MCEMP1: variants seen among roughly 807,000 people sequenced by gnomAD.
The protein encoded by MCEMP1 is mast cell-expressed membrane protein 1.
In MCEMP1, 17 loss-of-function variants were observed where a neutral mutation model predicts 27.9. The observed-to-expected ratio is 0.61, with a 90% CI of 0.42 to 0.91. The LOEUF is 0.91. Ranked by LOEUF, MCEMP1 falls within the 40% of genes least tolerant of loss-of-function variation. The pLI is 0.00. For missense variants in MCEMP1, 200 were observed against 204.8 expected, an observed-to-expected ratio of 0.98 and a Z score of 0.14; for synonymous variants, 88 against 76.9, an observed-to-expected ratio of 1.14 and a Z score of -0.76.
At position 7,678,105 on chromosome 19, in the gene MCEMP1, C is replaced by T. The variant is rs779699332; in HGVS notation, c.147C>T (p.Val49=). The T allele has an allele frequency of 1.3e-6, 2 of 1,599,228 alleles. No individual in the cohort carries two copies. The highest frequency in any genetic ancestry group is 1.7e-6 in the Non-Finnish European group (2 of 1,173,492). ...KGGHSRPTSQ[V]PAQCRPPSDS... The stretch of plus-strand genomic sequence containing the variant: ...CACTTTGCTGCCTCTTTGCTCCAGT[C>T]CCAGCCCAGTGCAGGCCGCCCTCAG... Residue 49 remains valine, a splice_region_variant and synonymous_variant, in exon 3 of 7, where the codon GTC becomes GTT. Transcript: ENST00000333598. The surrounding 1 kb of genome is among the most constrained non-coding windows in gnomAD (Gnocchi z 4.8).
At position 7,677,488 on chromosome 19, in the gene MCEMP1, G is replaced by A. The variant is rs887731114; in HGVS notation, c.56-149G>A. The A allele has an allele frequency of 3.0e-4, 226 of 765,112 alleles. 2 individuals are homozygous for A. Among genetic ancestry groups the A allele is most frequent in the South Asian group, 4.9e-4 (30 of 61,566 alleles). The allele number at this position is 765,112 out of a possible 1,614,324, so 47.4% of individuals were successfully genotyped here. A position where few individuals can be genotyped will look rare whatever the true frequency, so the allele number is the denominator to read the frequency against. ...TGATCACTCAAACTCTCACACACCC[G>A]CTCCACTTAACCAAAAAGCAGATTT... is the stretch of plus-strand genomic sequence containing the variant. On this transcript the variant is annotated intron_variant, in intron 1 of 6. Coordinates refer to ENST00000333598, the MANE Select transcript of MCEMP1 (RefSeq NM_174918.3). The surrounding 1 kb of genome is among the most constrained non-coding windows in gnomAD (Gnocchi z 4.6).
Position 7,677,538 on chromosome 19 carries a change from C to A in MCEMP1, c.56-99C>A. ...TTAGCTTCTCACTCCTTATCTTTCA[C>A]CCCCTACAATTTATTGAGTGCAAAG... On this transcript the variant is annotated intron_variant, in intron 1 of 6. Transcript: ENST00000333598. The surrounding 1 kb of genome is among the most constrained non-coding windows in gnomAD (Gnocchi z 4.6). The A allele has an allele frequency of 8.4e-7, 1 of 1,184,576 alleles. No individual in the cohort carries two copies. The highest frequency in any genetic ancestry group is 1.3e-6 in the Non-Finnish European group (1 of 794,976). The allele number at this position is 1,184,576 out of a possible 1,614,324, so 73.4% of individuals were successfully genotyped here.
At position 7,679,040 on chromosome 19, in the gene MCEMP1, C is replaced by T; in HGVS notation, c.508+57C>T. ...GGGTGGGTGGGGCTTCAGATTTAGC[C>T]CCAGCTCCTCTCCCAGGGGCGGGAT... On this transcript the variant is annotated intron_variant, in intron 6 of 6. Coordinates refer to ENST00000333598, the MANE Select transcript of MCEMP1 (RefSeq NM_174918.3). This position sits in a 1 kb window ranked among gnomAD's most constrained non-coding sequence, Gnocchi z 4.9. 1.2e-6 allele frequency: 2 copies of T among 1,604,746 alleles called. No individual in the cohort carries two copies. The highest frequency in any genetic ancestry group is 1.7e-6 in the Non-Finnish European group (2 of 1,175,018).
Position 7,678,442 on chromosome 19 carries a change from G to A in MCEMP1, c.334+42G>A, listed in dbSNP as rs2146254803. The A allele has an allele frequency of 1.2e-6, 2 of 1,613,976 alleles. No individual in the cohort carries two copies. The highest frequency in any genetic ancestry group is 1.7e-6 in the Non-Finnish European group (2 of 1,179,924). On this transcript the variant is annotated intron_variant, in intron 4 of 6. Transcript: ENST00000333598. The surrounding 1 kb of genome is among the most constrained non-coding windows in gnomAD (Gnocchi z 4.8). The stretch of plus-strand genomic sequence containing the variant: ...AGGGAGACCCGTGGGGTCATGGTGG[G>A]GGTCTGGAGAGGGATGGATGCACAG...
rs1475511364 is a variant in MCEMP1 at position 7,677,867 on chromosome 19, G to A, written c.145+141G>A. On this transcript the variant is annotated intron_variant, in intron 2 of 6. Coordinates refer to ENST00000333598, the MANE Select transcript of MCEMP1 (RefSeq NM_174918.3). This position sits in a 1 kb window ranked among gnomAD's most constrained non-coding sequence, Gnocchi z 4.6. ...TGACAGCTGTTGACGTGCTAATGAG[G>A]TCTGTTGATGATGACAATGTTGGGG... 1 of 1,019,748 alleles carries A rather than the reference G, an allele frequency of 9.8e-7. No homozygotes were observed. The highest frequency in any genetic ancestry group is 1.5e-6 in the Non-Finnish European group (1 of 685,800). 63.2% of individuals were successfully genotyped at this position (1,019,748 alleles called of 1,614,324 possible). A position where few individuals can be genotyped will look rare whatever the true frequency, so the allele number is the denominator to read the frequency against.
chr19:7,678,041 G>C lies in MCEMP1; in HGVS notation c.146-63G>C. ...CGAGGTGTCCATGGTGTTAGAGACA[G>C]TGAGGATGGTTTGAGTGGTGGTGCT... is the stretch of plus-strand genomic sequence containing the variant. On this transcript the variant is annotated intron_variant, in intron 2 of 6. Transcript: ENST00000333598. This position sits in a 1 kb window ranked among gnomAD's most constrained non-coding sequence, Gnocchi z 4.8. The C allele has an allele frequency of 6.5e-7, 1 of 1,533,046 alleles. No individual in the cohort carries two copies. The highest frequency in any genetic ancestry group is 8.7e-7 in the Non-Finnish European group (1 of 1,143,292). The allele number at this position is 1,533,046 out of a possible 1,614,324, so 95.0% of individuals were successfully genotyped here.
rs2032598586 is a variant in MCEMP1 at position 7,679,464 on chromosome 19, G to A, written c.*350G>A. On this transcript the variant is annotated 3_prime_UTR_variant, in exon 7 of 7. Coordinates refer to ENST00000333598, the MANE Select transcript of MCEMP1 (RefSeq NM_174918.3). This position sits in a 1 kb window ranked among gnomAD's most constrained non-coding sequence, Gnocchi z 4.9. ...TGTGGCATGCATGCCTGTGTCATGT[G>A]ACATATGTGAGTCTCGGCATGTCAC... is the stretch of plus-strand genomic sequence containing the variant. The A allele has an allele frequency of 9.8e-6, 3 of 304,730 alleles. No homozygotes were observed. The highest frequency in any genetic ancestry group is 1.2e-4 in the East Asian group (2 of 17,140). 18.9% of individuals were successfully genotyped at this position (304,730 alleles called of 1,614,324 possible). A position where few individuals can be genotyped will look rare whatever the true frequency, so the allele number is the denominator to read the frequency against.
In MCEMP1 at chr19:7,678,617, T is replaced by G. The variant is rs8103654; in HGVS notation, c.448+13T>G. 393 of 1,585,294 alleles carry G rather than the reference T, an allele frequency of 2.5e-4. 2 individuals are homozygous for G. In the African/African-American group the frequency reaches 4.9e-3, roughly 20 times the overall value. On this transcript the variant is annotated intron_variant, in intron 5 of 6. Transcript: ENST00000333598. This position sits in a 1 kb window ranked among gnomAD's most constrained non-coding sequence, Gnocchi z 4.8. Reference sequence around the variant, plus strand: ...ACGACATTAGCAGGTGCCTGTGTAGTCTCGCCTTCTATGGGGGTTATTTGT... The same window carrying G: ...ACGACATTAGCAGGTGCCTGTGTAGGCTCGCCTTCTATGGGGGTTATTTGT...
chr19:7,678,556 A>G lies in MCEMP1; in HGVS notation c.400A>G (p.Ile134Val), dbSNP rs1233114722. 6.2e-7 allele frequency: 1 copy of G among 1,614,084 alleles called. No individual in the cohort carries two copies. Among genetic ancestry groups the G allele is most frequent in the African/African-American group, 1.3e-5 (1 of 74,930 alleles). ...KRGWDSVQQS[I>V]TMVRSKIDRL... ...AGGCTGGGATTCCGTTCAGCAGAGC[A>G]TCACCATGGTCAGGAGCAAGATTGA... The change falls in exon 5 of 7, where the codon ATC (isoleucine) becomes GTC (valine). Residue 134 changes from isoleucine to valine, a missense_variant. Ile to Val is a conservative substitution (Grantham distance 29, BLOSUM62 3). Coordinates refer to ENST00000333598, the MANE Select transcript of MCEMP1 (RefSeq NM_174918.3). The surrounding 1 kb of genome is among the most constrained non-coding windows in gnomAD (Gnocchi z 4.8).
chr19:7,679,728 GAGTTATGCCACCCTGTGTGCTC>G lies in MCEMP1; in HGVS notation c.*617_*638del, dbSNP rs2032602396. On this transcript the variant is annotated 3_prime_UTR_variant, in exon 7 of 7. Coordinates refer to ENST00000333598, the MANE Select transcript of MCEMP1 (RefSeq NM_174918.3). This position sits in a 1 kb window ranked among gnomAD's most constrained non-coding sequence, Gnocchi z 4.9. ...ACGGCTGTGTCATTATGAGTGTGCC[GAGTTATGCCACCCTGTGTGCTC>G]AGGGCACATGCACACAGACATTTAT... is the stretch of plus-strand genomic sequence containing the variant. 1 of 152,330 alleles carries G rather than the reference GAGTTATGCCACCCTGTGTGCTC, an allele frequency of 6.6e-6. No individual in the cohort carries two copies. The highest frequency in any genetic ancestry group is 1.5e-5 in the Non-Finnish European group (1 of 68,152). 9.4% of individuals were successfully genotyped at this position (152,330 alleles called of 1,614,324 possible).
Position 7,678,435 on chromosome 19 carries a change from A to T in MCEMP1, c.334+35A>T. 6.2e-7 allele frequency: 1 copy of T among 1,613,964 alleles called. No homozygotes were observed. The highest frequency in any genetic ancestry group is 1.3e-5 in the African/African-American group (1 of 74,974). Reference sequence around the variant, plus strand: ...GGGTCTGAGGGAGACCCGTGGGGTCATGGTGGGGGTCTGGAGAGGGATGGA... The same window carrying T: ...GGGTCTGAGGGAGACCCGTGGGGTCTTGGTGGGGGTCTGGAGAGGGATGGA... On this transcript the variant is annotated intron_variant, in intron 4 of 6. Coordinates refer to ENST00000333598, the MANE Select transcript of MCEMP1 (RefSeq NM_174918.3). This position sits in a 1 kb window ranked among gnomAD's most constrained non-coding sequence, Gnocchi z 4.8.
Position 7,678,249 on chromosome 19 carries a change from C to T in MCEMP1, c.283+8C>T. 4 of 1,614,014 alleles carry T rather than the reference C, an allele frequency of 2.5e-6. No homozygotes were observed. Among genetic ancestry groups the T allele is most frequent in the Non-Finnish European group, 1.7e-6 (2 of 1,179,960 alleles). ...CCTTCATCATGGTGAAGAGTGAGTA[C>T]TTCTTGGGAGGAGGGTGCTGGGGGG... On this transcript the variant is annotated splice_region_variant and intron_variant, in intron 3 of 6. Transcript: ENST00000333598. The surrounding 1 kb of genome is among the most constrained non-coding windows in gnomAD (Gnocchi z 4.8).
rs58349142 is a variant in MCEMP1 at position 7,679,196 on chromosome 19, C to T, written c.*82C>T. 42 of 1,424,676 alleles carry T rather than the reference C, an allele frequency of 2.9e-5. No individual in the cohort carries two copies. The highest frequency in any genetic ancestry group is 2.0e-4 in the East Asian group (8 of 39,750). The allele number at this position is 1,424,676 out of a possible 1,614,324, so 88.3% of individuals were successfully genotyped here. On this transcript the variant is annotated 3_prime_UTR_variant, in exon 7 of 7. Transcript: ENST00000333598. The surrounding 1 kb of genome is among the most constrained non-coding windows in gnomAD (Gnocchi z 4.9). ...CAACGAAGACGGGAAATGACCCCCC[C>T]CCCCCAGCCTAGTGTGAACCTGCCC...
At position 7,677,192 on chromosome 19, in the gene MCEMP1, T is replaced by A; in HGVS notation, c.55+17T>A. ...AGAATCAAGGTTAGGGAACTCGAGG[T>A]GGAAGGGAGGGGTTAAGAAGGAGAG... On this transcript the variant is annotated intron_variant, in intron 1 of 6. Coordinates refer to ENST00000333598, the MANE Select transcript of MCEMP1 (RefSeq NM_174918.3). This position sits in a 1 kb window ranked among gnomAD's most constrained non-coding sequence, Gnocchi z 4.6. 5 of 1,564,770 alleles carry A rather than the reference T, an allele frequency of 3.2e-6. No individual in the cohort carries two copies. Among genetic ancestry groups the A allele is most frequent in the Non-Finnish European group, 4.3e-6 (5 of 1,152,984 alleles).
rs1200877124 is a variant in MCEMP1 at position 7,678,646 on chromosome 19, CA to C, written c.448+44del. ...GCCTTCTATGGGGGTTATTTGTCAC[CA>C]ATGCCCGGAGCTGAGCTGGGGGCAG... On this transcript the variant is annotated intron_variant, in intron 5 of 6. Coordinates refer to ENST00000333598, the MANE Select transcript of MCEMP1 (RefSeq NM_174918.3). The surrounding 1 kb of genome is among the most constrained non-coding windows in gnomAD (Gnocchi z 4.8). 3.9e-6 allele frequency: 6 copies of C among 1,556,778 alleles called. No individual in the cohort carries two copies. The African/African-American group carries it at 8.2e-5, about 21-fold the overall frequency.
In MCEMP1 at chr19:7,678,077, G is replaced by T. The variant is rs1407132843; in HGVS notation, c.146-27G>T. 1.3e-6 allele frequency: 2 copies of T among 1,567,848 alleles called. No individual in the cohort carries two copies. Among genetic ancestry groups the T allele is most frequent in the East Asian group, 2.2e-5 (1 of 44,602 alleles). ...TTGAGTGGTGGTGCTGGCCCCTCAAGGTCACTTTGCTGCCTCTTTGCTCCA... is the reference window on the plus strand; with the variant it reads ...TTGAGTGGTGGTGCTGGCCCCTCAATGTCACTTTGCTGCCTCTTTGCTCCA... On this transcript the variant is annotated intron_variant, in intron 2 of 6. Coordinates refer to ENST00000333598, the MANE Select transcript of MCEMP1 (RefSeq NM_174918.3). This position sits in a 1 kb window ranked among gnomAD's most constrained non-coding sequence, Gnocchi z 4.8.
chr19:7,677,225 G>A lies in MCEMP1; in HGVS notation c.55+50G>A, dbSNP rs770641476. 3 of 1,495,588 alleles carry A rather than the reference G, an allele frequency of 2.0e-6. No individual in the cohort carries two copies. Among genetic ancestry groups the A allele is most frequent in the Non-Finnish European group, 2.7e-6 (3 of 1,096,208 alleles). The allele number at this position is 1,495,588 out of a possible 1,614,324, so 92.6% of individuals were successfully genotyped here. ...AGGGGTTAAGAAGGAGAGATTGGGG[G>A]GCCGGGGGCTTTTGCTCATGTCTGT... On this transcript the variant is annotated intron_variant, in intron 1 of 6. Coordinates refer to ENST00000333598, the MANE Select transcript of MCEMP1 (RefSeq NM_174918.3). This position sits in a 1 kb window ranked among gnomAD's most constrained non-coding sequence, Gnocchi z 4.6.
Position 7,677,297 on chromosome 19 carries a change from T to A in MCEMP1, c.55+122T>A. The A allele has an allele frequency of 1.2e-6, 1 of 842,956 alleles. No homozygotes were observed. The highest frequency in any genetic ancestry group is 1.9e-6 in the Non-Finnish European group (1 of 527,804). 52.2% of individuals were successfully genotyped at this position (842,956 alleles called of 1,614,324 possible). A position where few individuals can be genotyped will look rare whatever the true frequency, so the allele number is the denominator to read the frequency against. On this transcript the variant is annotated intron_variant, in intron 1 of 6. Coordinates refer to ENST00000333598, the MANE Select transcript of MCEMP1 (RefSeq NM_174918.3). This position sits in a 1 kb window ranked among gnomAD's most constrained non-coding sequence, Gnocchi z 4.6. ...TGAGGCGGGAGGATTGCGTGAGCCC[T>A]GGAGGTGGAGACTGGCCTGGGCAAC...
In MCEMP1 at chr19:7,677,828, G is replaced by A; in HGVS notation, c.145+102G>A. On this transcript the variant is annotated intron_variant, in intron 2 of 6. Coordinates refer to ENST00000333598, the MANE Select transcript of MCEMP1 (RefSeq NM_174918.3). The surrounding 1 kb of genome is among the most constrained non-coding windows in gnomAD (Gnocchi z 4.6). ...GGCTGCGTGGAAGGGAGGAAGCGAT[G>A]GGGAAGGAAGAGGTGACAGCTGTTG... is the stretch of plus-strand genomic sequence containing the variant. 3 of 1,210,404 alleles carry A rather than the reference G, an allele frequency of 2.5e-6. No individual in the cohort carries two copies. The highest frequency in any genetic ancestry group is 3.5e-6 in the Non-Finnish European group (3 of 863,452). The allele number at this position is 1,210,404 out of a possible 1,614,324, so 75.0% of individuals were successfully genotyped here.
Sources: gnomAD v4.1 joint callset for allele counts on GRCh38, gnomAD v4.1.1 for gene constraint, Gnocchi (gnomAD v3.1) non-coding constraint, MANE v1.5 for transcripts, NCBI Gene and HGNC (gene_info 2026-07-23, HGNC 2026-07-21) for gene names.